The following LARS2 variants were observed in gnomAD, a reference collection of about 807,000 sequenced individuals.
The protein encoded by LARS2 is leucyl-tRNA synthetase 2, mitochondrial.
LARS2 carries 81 observed loss-of-function variants against 116.6 expected under a neutral mutation model. The ratio of observed to expected loss-of-function variants is 0.69; its 90% confidence interval spans 0.58 to 0.84. The LOEUF (loss-of-function observed/expected upper bound fraction) is 0.84. LARS2 is among the 40% of genes least tolerant of loss of function. The probability of loss-of-function intolerance (pLI) is 0.00; values close to 1 mark genes in which losing one functional copy is unlikely to be tolerated. For missense variants in LARS2, 968 were observed against 1,114.5 expected, an observed-to-expected ratio of 0.87 and a Z score of 1.87; for synonymous variants, 396 against 407.2, an observed-to-expected ratio of 0.97 and a Z score of 0.33.
chr3:45,547,773 C>A lies in LARS2; in HGVS notation c.*243C>A. ...GAGGAGGGGGTTGGACATCCTGCCC[C>A]TCACCCCCCACCCACACTGCAGGTA... On this transcript the variant is annotated 3_prime_UTR_variant, in exon 22 of 22. Transcript: ENST00000645846. 1 of 420,594 alleles carries A rather than the reference C, an allele frequency of 2.4e-6. No homozygotes were observed. Among genetic ancestry groups the A allele is most frequent in the Non-Finnish European group, 4.2e-6 (1 of 236,090 alleles). The allele number at this position is 420,594 out of a possible 1,614,324, so 26.1% of individuals were successfully genotyped here. A position where few individuals can be genotyped will look rare whatever the true frequency, so the allele number is the denominator to read the frequency against.
rs949778583 is a variant in LARS2, at chr3:45,547,569, A to G, written c.*39A>G. ...GCAGCTACCACGAGGGCCTCTGAGG[A>G]ACCTCCTTCCAGGCCTGGGATGAGG... On this transcript the variant is annotated 3_prime_UTR_variant, in exon 22 of 22. Transcript: ENST00000645846. The G allele has an allele frequency of 2.6e-6, 4 of 1,556,754 alleles. No homozygotes were observed. Among genetic ancestry groups the G allele is most frequent in the Non-Finnish European group, 3.5e-6 (4 of 1,148,402 alleles).
intron 20 of LARS2, 75 bp downstream of exon 20, chr3:45,524,183 G>A (rs1448870516): frequency 3.1e-5 from 30 of 976,438 alleles, no homozygotes; most frequent in Non-Finnish European, 4.3e-5. Context: ...AACATCATTC[G>A]GGACTCAGAT....
At chr3:45,435,186 G>A (rs954330587) in intron 6 of LARS2, among the ~76,000 whole-genome samples, 7 of 151,998 alleles carry the variant, frequency 4.6e-5, no homozygotes, top group Non-Finnish European at 7.4e-5. Context: ...CTCTCCATTC[G>A]ACCTCCTCTG....
intron 13 of LARS2, among the ~76,000 whole-genome samples, chr3:45,495,999 A>G (rs1700004702): frequency 1.3e-5 from 2 of 152,126 alleles, no homozygotes. Flanking sequence ...AGCTGGGACT[A>G]CAGGCACACG....
At chr3:45,413,679 T>A (rs1698371106) in intron 4 of LARS2, among the ~76,000 whole-genome samples, 1 of 152,232 alleles carries the variant, frequency 6.6e-6, no homozygotes, top group East Asian at 1.9e-4. Context: ...TTAGATGGAA[T>A]TGTTTCATCG....
chr3:45,537,323 A>G (rs916537855), intron 20 of LARS2, among the ~76,000 whole-genome samples: 2 of 152,020 alleles, frequency 1.3e-5, no homozygotes, highest in African/African-American at 2.4e-5. Flanking sequence ...CCACAAATCT[A>G]TTTTTCTTCA....
chr3:45,444,365 A>G (rs76061258), intron 6 of LARS2, among the ~76,000 whole-genome samples: 149,359 of 149,362 alleles, frequency 1, 74,678 homozygotes, highest in Middle Eastern at 1. Context: ...CTAGGGGAAA[A>G]AAAAAAATGC....
At chr3:45,539,177 T>C (rs1311164312) in intron 20 of LARS2, among the ~76,000 whole-genome samples, 8 of 152,088 alleles carry the variant, frequency 5.3e-5, no homozygotes, top group Non-Finnish European at 1.2e-4. Context: ...AAATTACTAA[T>C]AGATTTGAAA....
intron 17 of LARS2, 107 bp from the exon 18 acceptor site, chr3:45,517,796 T>C (rs1700391716): frequency 1.2e-6 from 1 of 845,292 alleles, no homozygotes; most frequent in Non-Finnish European, 1.9e-6. Context: ...CAGGGTGCAG[T>C]GAAGTGTCAC....
intron 13 of LARS2, among the ~76,000 whole-genome samples, chr3:45,493,942 G>A (rs907729330): frequency 6.6e-6 from 1 of 152,146 alleles, no homozygotes. Context: ...AGGTAAGTGA[G>A]GAAGATGAAG....
intron 7 of LARS2, 122 bp downstream of exon 7, chr3:45,447,102 G>A (rs144748766): frequency 2.7e-5 from 16 of 583,974 alleles, no homozygotes; most frequent in Middle Eastern, 3.2e-4. Context: ...GACCCAGAAC[G>A]TAACTACTTC....
chr3:45,507,567 A>C (rs1700218037), intron 15 of LARS2, among the ~76,000 whole-genome samples: 1 of 152,148 alleles, frequency 6.6e-6, no homozygotes, highest in Admixed American at 6.6e-5. Context: ...AGACAGGGTA[A>C]ATAAAGTATA....
intron 21 of LARS2, among the ~76,000 whole-genome samples, chr3:45,545,323 G>A (rs1032006328): frequency 2.6e-5 from 4 of 152,328 alleles, no homozygotes; most frequent in Admixed American, 1.3e-4. Flanking sequence ...GGCCCTGTCC[G>A]GCAGGTGTCA....
At chr3:45,535,862 T>C (rs1700698010) in intron 20 of LARS2, among the ~76,000 whole-genome samples, 1 of 152,182 alleles carries the variant, frequency 6.6e-6, no homozygotes, top group African/African-American at 2.4e-5. Flanking sequence ...GGTTTTGATA[T>C]TGTGATATAA....
chr3:45,510,140 C>G (rs1029315865), intron 15 of LARS2, among the ~76,000 whole-genome samples: 1 of 152,048 alleles, frequency 6.6e-6, no homozygotes, highest in East Asian at 1.9e-4. Context: ...AGGCCAGGAG[C>G]AGTGGCTCAT....
intron 15 of LARS2, among the ~76,000 whole-genome samples, chr3:45,512,238 G>A (rs1700302222): frequency 6.6e-6 from 1 of 152,164 alleles, no homozygotes; most frequent in Non-Finnish European, 1.5e-5. Flanking sequence ...GGAAATGAGT[G>A]CTCCTACCTG....
At position 45,496,336 on chromosome 3, in the gene LARS2, T is replaced by C. The variant is rs1431698381; in HGVS notation, c.1585T>C (p.Tyr529His). The change falls in exon 14 of 22, where the codon TAC becomes CAC. Residue 529 changes from tyrosine (Y) to histidine (H), a missense_variant. By Grantham distance (83) the Tyr-to-His change is moderately conservative. Transcript: ENST00000645846. ...GGATACCTTTGTTGATTCTGCTTGG[T>C]ACTACTTCAGATACACTGACCCTCA... is the stretch of plus-strand genomic sequence containing the variant. ...TMDTFVDSAW[Y>H]YFRYTDPHNP... 1 of 1,614,090 alleles carries C rather than the reference T, an allele frequency of 6.2e-7. No homozygotes were observed. Among genetic ancestry groups the C allele is most frequent in the East Asian group, 2.2e-5 (1 of 44,878 alleles).
intron 15 of LARS2, among the ~76,000 whole-genome samples, chr3:45,507,240 A>T (rs1376104022): frequency 6.6e-6 from 1 of 151,630 alleles, no homozygotes; most frequent in African/African-American, 2.4e-5. Flanking sequence ...CTATGATTTT[A>T]AAAAAAAAAA....
intron 1 of LARS2, among the ~76,000 whole-genome samples, chr3:45,390,606 C>CG (rs1268435162): frequency 6.6e-6 from 1 of 151,044 alleles, no homozygotes; most frequent in African/African-American, 2.4e-5. Flanking sequence ...GCCACCAGAC[C>CG]GGGCCTTCTT....
Sources: allele counts gnomAD v4.1 joint callset (sites outside exome capture counted in the v4.1 genomes callset), GRCh38; gene constraint gnomAD v4.1.1; transcripts MANE v1.5; gene names NCBI Gene and HGNC (gene_info 2026-07-23, HGNC 2026-07-21).